Variants in FTO observed in about 807,000 individuals in gnomAD.
FTO encodes the protein FTO alpha-ketoglutarate dependent dioxygenase, also known as alpha-ketoglutarate-dependent dioxygenase FTO.
In FTO, 47 loss-of-function variants were observed where a neutral mutation model predicts 63.9. The observed-to-expected ratio is 0.74, with a 90% CI of 0.58 to 0.94. FTO has a LOEUF of 0.94. Ranked by LOEUF, FTO falls within the 40% of genes least tolerant of loss-of-function variation. The pLI is 0.00. For synonymous variants in FTO, 207 were observed against 224.4 expected (o/e 0.92, Z 0.69); for missense variants, 562 against 618.1 (o/e 0.91, Z 0.96).
At chr16:53,735,922 C>A (rs946442372) in intron 1 of FTO, among the ~76,000 whole-genome samples, 15 of 152,086 alleles carry the variant, frequency 9.9e-5, no homozygotes, top group African/African-American at 3.4e-4. Context: ...AAAATCTGAC[C>A]CTTCCTTCTC....
chr16:53,888,952 G>GT lies in FTO; in HGVS notation c.1239+2dup. Reference sequence around the variant, plus strand: ...ACTGTGGAAGAAGATGGAGGGTGTGGTAAGTCCATCAGACCTGGGACCGTG... The same window carrying GT: ...ACTGTGGAAGAAGATGGAGGGTGTGGTTAAGTCCATCAGACCTGGGACCGTG... On this transcript the variant is annotated splice_donor_variant, in intron 7 of 8. Transcript: ENST00000471389. LOFTEE classifies it high-confidence loss of function. 1 of 1,613,982 alleles carries GT rather than the reference G, an allele frequency of 6.2e-7. No individual in the cohort carries two copies. The highest frequency in any genetic ancestry group is 8.5e-7 in the Non-Finnish European group (1 of 1,179,880).
intron 7 of FTO, among the ~76,000 whole-genome samples, chr16:53,920,727 C>G (rs1347922313): frequency 2.6e-5 from 4 of 152,036 alleles, no homozygotes; most frequent in Admixed American, 6.5e-5. Flanking sequence ...AATGGAGATG[C>G]TTGATATATG....
chr16:53,708,914 A>G (rs2075697275), intron 1 of FTO, among the ~76,000 whole-genome samples: 1 of 152,140 alleles, frequency 6.6e-6, no homozygotes, highest in Non-Finnish European at 1.5e-5. Context: ...TATATTTTCT[A>G]GATATAAATC....
rs541379344 is a variant in FTO at position 53,977,663 on chromosome 16, C to A, written c.1364+43554C>A. On this transcript the variant is annotated intron_variant, in intron 8 of 8. Coordinates refer to ENST00000471389, the MANE Select transcript of FTO (RefSeq NM_001080432.3). ...CAACTTTTTTGCTCTTGCCTCCTATCTTCTTTATGGGGAGAGAGTATACAT... is the reference window on the plus strand; with the variant it reads ...CAACTTTTTTGCTCTTGCCTCCTATATTCTTTATGGGGAGAGAGTATACAT... Among the ~76,000 whole-genome samples the A allele has an allele frequency of 2.0e-5, 3 of 152,286 alleles. No homozygotes were observed. The East Asian group carries it at 5.8e-4, about 29-fold the overall frequency.
intron 1 of FTO, among the ~76,000 whole-genome samples, chr16:53,719,275 T>A (rs1486694460): frequency 3.9e-5 from 5 of 127,048 alleles, no homozygotes; most frequent in African/African-American, 6.3e-5. Context: ...TTTTTTTTTT[T>A]GAGCAGAGTC....
At chr16:53,733,301 T>C (rs1567938799) in intron 1 of FTO, among the ~76,000 whole-genome samples, 1 of 151,826 alleles carries the variant, frequency 6.6e-6, no homozygotes, top group Non-Finnish European at 1.5e-5. Context: ...ACTCGGGAGG[T>C]TGAGGCATGA....
At chr16:53,988,348 A>AGT (rs2083722088) in intron 8 of FTO, among the ~76,000 whole-genome samples, 4 of 152,198 alleles carry the variant, frequency 2.6e-5, no homozygotes, top group African/African-American at 9.7e-5. Flanking sequence ...GACAATAAGA[A>AGT]GCCAGGAGGA....
intron 4 of FTO, among the ~76,000 whole-genome samples, chr16:53,853,759 A>C (rs943881104): frequency 1.3e-5 from 2 of 152,130 alleles, no homozygotes; most frequent in Admixed American, 6.5e-5. Flanking sequence ...ATATCTTTGC[A>C]ATTGTGAAAT....
intron 8 of FTO, among the ~76,000 whole-genome samples, chr16:54,063,484 GTTA>G (rs1376096676): frequency 6.6e-6 from 1 of 152,172 alleles, no homozygotes. Flanking sequence ...ATCTGTTACT[GTTA>G]TTATGCAGAA....
At chr16:54,035,989 G>A (rs2084933250) in intron 8 of FTO, among the ~76,000 whole-genome samples, 1 of 152,164 alleles carries the variant, frequency 6.6e-6, no homozygotes, top group African/African-American at 2.4e-5. Flanking sequence ...TGCAGAGCCT[G>A]TAAGCTTTGA....
At chr16:54,110,631 A>T (rs1424167238) in intron 8 of FTO, among the ~76,000 whole-genome samples, 2 of 152,238 alleles carry the variant, frequency 1.3e-5, no homozygotes, top group Non-Finnish European at 2.9e-5. Context: ...CTCTACCATC[A>T]GGCTTGGAAA....
chr16:54,083,844 AGCAAG>A (rs1247798959), intron 8 of FTO, among the ~76,000 whole-genome samples: 1 of 152,178 alleles, frequency 6.6e-6, no homozygotes, highest in African/African-American at 2.4e-5. Flanking sequence ...CTCTGGTGGA[AGCAAG>A]GCAACATTGG....
intron 8 of FTO, among the ~76,000 whole-genome samples, chr16:53,984,656 G>A (rs1306618745): frequency 6.6e-6 from 1 of 152,078 alleles, no homozygotes; most frequent in African/African-American, 2.4e-5. Flanking sequence ...TTGTGAGGCA[G>A]GACAGTATTC....
At chr16:53,848,659 C>A (rs1315337301) in intron 4 of FTO, among the ~76,000 whole-genome samples, 3 of 152,146 alleles carry the variant, frequency 2.0e-5, no homozygotes, top group Non-Finnish European at 2.9e-5. Flanking sequence ...AGATGTTTTC[C>A]ATAGACTGAA....
chr16:53,974,372 T>G (rs1408089662), intron 8 of FTO, among the ~76,000 whole-genome samples: 1 of 152,200 alleles, frequency 6.6e-6, no homozygotes, highest in Non-Finnish European at 1.5e-5. Context: ...TTATTTCCGT[T>G]TTTAGAATTG....
intron 5 of FTO, 78 bp from the exon 6 acceptor site, chr16:53,879,766 T>A: frequency 1.3e-6 from 2 of 1,514,160 alleles, no homozygotes; most frequent in Non-Finnish European, 1.8e-6. Context: ...CAGGGACAAA[T>A]ATGAACAATC....
chr16:53,729,081 T>A (rs1183242145), intron 1 of FTO, among the ~76,000 whole-genome samples: 1 of 151,836 alleles, frequency 6.6e-6, no homozygotes. Flanking sequence ...TGCACTTCTG[T>A]CTCCTGCTCC....
chr16:54,097,829 G>T (rs1412734143), intron 8 of FTO, among the ~76,000 whole-genome samples: 1 of 152,202 alleles, frequency 6.6e-6, no homozygotes, highest in Non-Finnish European at 1.5e-5. Context: ...AGAGTTGGGG[G>T]ACAGGGAGGG....
chr16:54,079,798 G>A (rs2086096077), intron 8 of FTO, among the ~76,000 whole-genome samples: 1 of 152,128 alleles, frequency 6.6e-6, no homozygotes, highest in African/African-American at 2.4e-5. Context: ...GCAGAGTATT[G>A]GCCCAGATAA....
Sources: gnomAD v4.1 joint callset for allele counts (sites outside exome capture counted in the v4.1 genomes callset) on GRCh38, gnomAD v4.1.1 for gene constraint, MANE v1.5 for transcripts, NCBI Gene and HGNC (gene_info 2026-07-23, HGNC 2026-07-21) for gene names.